The following AKAP7 variants were observed in gnomAD, a reference collection of about 807,000 sequenced individuals.
The protein encoded by AKAP7 is A kinase (PRKA) anchor protein 7.
Under a neutral mutation model 39.5 loss-of-function variants are expected in AKAP7, and 39 were observed. The observed-to-expected ratio is 0.99, with a 90% CI of 0.76 to 1.29. AKAP7 has a LOEUF of 1.29. Ranked by LOEUF, AKAP7 falls within the 50% of genes most tolerant of loss-of-function variation. AKAP7 has a pLI of 0.00. For synonymous variants in AKAP7, 140 were observed against 139.1 expected, an observed-to-expected ratio of 1.01 and a Z score of -0.05; for missense variants, 414 against 407.7, an observed-to-expected ratio of 1.02 and a Z score of -0.13.
chr6:131,268,850 A>G (rs1814033690), intron 7 of AKAP7, among the ~76,000 whole-genome samples: 1 of 152,208 alleles, frequency 6.6e-6, no homozygotes, highest in Admixed American at 6.5e-5. Context: ...AAGAAATTAC[A>G]TGAATGTAAT....
At chr6:131,180,904 T>C (rs1464847798) in intron 5 of AKAP7, among the ~76,000 whole-genome samples, 1 of 152,018 alleles carries the variant, frequency 6.6e-6, no homozygotes, top group East Asian at 1.9e-4. Flanking sequence ...CTCTTTTTTC[T>C]TTAAGCATTT....
At chr6:131,279,408 A>G (rs1189449199) in intron 7 of AKAP7, among the ~76,000 whole-genome samples, 6 of 152,168 alleles carry the variant, frequency 3.9e-5, no homozygotes, top group African/African-American at 1.2e-4. Flanking sequence ...AGCTGGGGCT[A>G]CAGGTGCATG....
chr6:131,221,806 G>GA (rs796571059), intron 7 of AKAP7, among the ~76,000 whole-genome samples: 15 of 151,624 alleles, frequency 9.9e-5, no homozygotes, highest in Admixed American at 7.2e-4. Flanking sequence ...CTACTGCTCA[G>GA]AAAAAAAAAT....
chr6:131,251,107 A>G (rs571940004), intron 7 of AKAP7, among the ~76,000 whole-genome samples: 3 of 152,314 alleles, frequency 2.0e-5, no homozygotes, highest in Admixed American at 2.0e-4. Context: ...TTCTTCCTGG[A>G]TTCAAGTGTG....
chr6:131,185,117 A>C (rs765317954), intron 5 of AKAP7: 9 of 631,692 alleles, frequency 1.4e-5, no homozygotes, highest in African/African-American at 3.6e-5. Flanking sequence ...CCAGGGGGTC[A>C]GTGTGCAACA....
intron 5 of AKAP7, among the ~76,000 whole-genome samples, chr6:131,174,948 T>C (rs977394304): frequency 1.3e-5 from 2 of 151,474 alleles, no homozygotes; most frequent in Admixed American, 1.3e-4. Flanking sequence ...AACTTTCGAC[T>C]CCTCCAGAAG....
chr6:131,161,729 C>T (rs1167195291), intron 3 of AKAP7, among the ~76,000 whole-genome samples: 3 of 115,234 alleles, frequency 2.6e-5, no homozygotes, highest in African/African-American at 9.8e-5. Context: ...TTAGGCAATA[C>T]AAAGTTAGTG....
chr6:131,179,135 A>G (rs543365377), intron 5 of AKAP7, among the ~76,000 whole-genome samples: 3 of 151,960 alleles, frequency 2.0e-5, no homozygotes, highest in African/African-American at 7.2e-5. Flanking sequence ...CATAGGTCTC[A>G]TCACAGGTTG....
intron 7 of AKAP7, among the ~76,000 whole-genome samples, chr6:131,221,689 G>A (rs1809709990): frequency 6.6e-6 from 1 of 152,158 alleles, no homozygotes; most frequent in Non-Finnish European, 1.5e-5. Flanking sequence ...AAATCCTAGG[G>A]ACCTTAAGAA....
intron 7 of AKAP7, among the ~76,000 whole-genome samples, chr6:131,220,853 A>G (rs1809637828): frequency 6.6e-6 from 1 of 152,218 alleles, no homozygotes; most frequent in South Asian, 2.1e-4. Flanking sequence ...GGGCACCACC[A>G]TATGAATTGT....
At chr6:131,216,981 A>G (rs1043289267) in intron 6 of AKAP7, among the ~76,000 whole-genome samples, 2 of 152,168 alleles carry the variant, frequency 1.3e-5, no homozygotes, top group African/African-American at 2.4e-5. Context: ...TTATAGATCA[A>G]ATTTAACAAT....
chr6:131,267,792 C>T (rs977887633), intron 7 of AKAP7, among the ~76,000 whole-genome samples: 3 of 152,210 alleles, frequency 2.0e-5, no homozygotes, highest in South Asian at 2.1e-4. Flanking sequence ...ACGGAATTCA[C>T]TGCTGTCTAC....
intron 6 of AKAP7, among the ~76,000 whole-genome samples, chr6:131,206,825 A>G (rs1029470323): frequency 2.0e-5 from 3 of 151,778 alleles, no homozygotes; most frequent in Admixed American, 2.0e-4. Flanking sequence ...ATATTTTTTC[A>G]GGATTTTGTT....
intron 2 of AKAP7, among the ~76,000 whole-genome samples, chr6:131,150,812 T>C (rs575104464): frequency 6.6e-6 from 1 of 152,330 alleles, no homozygotes; most frequent in Admixed American, 6.5e-5. Flanking sequence ...ATGGTAGCTG[T>C]CTCACAGGAT....
chr6:131,230,546 G>A (rs1454097825), intron 7 of AKAP7, among the ~76,000 whole-genome samples: 2 of 152,040 alleles, frequency 1.3e-5, no homozygotes, highest in East Asian at 3.9e-4. Context: ...TAGGTTGTCT[G>A]TTTACTCTGT....
chr6:131,207,250 G>A (rs1430082719), intron 6 of AKAP7, among the ~76,000 whole-genome samples: 2 of 151,900 alleles, frequency 1.3e-5, no homozygotes, highest in African/African-American at 2.4e-5. Context: ...ATTTAGATCT[G>A]AATCTTTTCA....
intron 3 of AKAP7, among the ~76,000 whole-genome samples, chr6:131,163,941 C>T (rs1409004799): frequency 1.3e-5 from 2 of 151,762 alleles, no homozygotes; most frequent in African/African-American, 4.8e-5. Context: ...CATGGTTAGG[C>T]CTAGTCAAGC....
chr6:131,233,412 CAA>C (rs1435373822), intron 7 of AKAP7, among the ~76,000 whole-genome samples: 1 of 152,108 alleles, frequency 6.6e-6, no homozygotes, highest in Non-Finnish European at 1.5e-5. Context: ...GTTACCCCAT[CAA>C]TAAAATGGGC....
chr6:131,165,925 G>A (rs754842834), intron 4 of AKAP7, among the ~76,000 whole-genome samples: 1 of 152,088 alleles, frequency 6.6e-6, no homozygotes, highest in Non-Finnish European at 1.5e-5. Context: ...AGCCTAAGAT[G>A]TATGGAAAAC....
Sources: allele counts gnomAD v4.1 joint callset (sites outside exome capture counted in the v4.1 genomes callset), GRCh38; gene constraint gnomAD v4.1.1; transcripts MANE v1.5; gene names NCBI Gene and HGNC (gene_info 2026-07-23, HGNC 2026-07-21).